The following EYA1 variants were observed in gnomAD, a reference collection of about 807,000 sequenced individuals.
EYA1 encodes the protein protein phosphatase EYA1.
A neutral mutation model predicts 82.0 loss-of-function variants in EYA1; 16 were observed. The observed-to-expected ratio is 0.20, with a 90% confidence interval of 0.13 to 0.30. The LOEUF (loss-of-function observed/expected upper bound fraction) is 0.30, where lower values mean the gene tolerates loss of function less well. EYA1 is among the 10% of genes least tolerant of loss of function. EYA1 has a pLI of 1.00. For missense variants in EYA1, 633 were observed against 730.7 expected (o/e 0.87, Z 1.54); for synonymous variants, 261 against 264.4 (o/e 0.99, Z 0.12).
intron 7 of EYA1, among the ~76,000 whole-genome samples, chr8:71,311,928 T>C (rs1353525618): frequency 3.9e-5 from 6 of 152,208 alleles, no homozygotes; most frequent in African/African-American, 1.4e-4. Flanking sequence ...GAAGCCTGCT[T>C]GGCAGGACAG....
chr8:71,420,565 C>G (rs1586682633), intron 2 of EYA1, among the ~76,000 whole-genome samples: 1 of 152,164 alleles, frequency 6.6e-6, no homozygotes, highest in South Asian at 2.1e-4. Context: ...TCATAAGCTG[C>G]TGTAGAGTCA....
intron 2 of EYA1, among the ~76,000 whole-genome samples, chr8:71,505,701 G>GC (rs892861385): frequency 6.6e-6 from 1 of 152,064 alleles, no homozygotes; most frequent in Non-Finnish European, 1.5e-5. Context: ...AGAAATATTG[G>GC]CCCCTTGAGT....
At chr8:71,248,309 G>A (rs1401756523) in intron 11 of EYA1, among the ~76,000 whole-genome samples, 2 of 152,178 alleles carry the variant, frequency 1.3e-5, no homozygotes, top group South Asian at 2.1e-4. Context: ...AATAGGAAGG[G>A]GGTTCTAGTT....
intron 3 of EYA1, among the ~76,000 whole-genome samples, chr8:71,352,888 C>T (rs1035944194): frequency 6.6e-6 from 1 of 152,132 alleles, no homozygotes; most frequent in African/African-American, 2.4e-5. Context: ...TAAACACACA[C>T]TCTGTTTCAG....
At chr8:71,505,047 G>A (rs951866369) in intron 2 of EYA1, among the ~76,000 whole-genome samples, 10 of 152,060 alleles carry the variant, frequency 6.6e-5, no homozygotes, top group African/African-American at 1.4e-4. Flanking sequence ...TGATCTGCCC[G>A]CCTTGGCCTC....
chr8:71,341,159 A>T (rs1266165136), intron 3 of EYA1, among the ~76,000 whole-genome samples: 1 of 152,220 alleles, frequency 6.6e-6, no homozygotes, highest in Non-Finnish European at 1.5e-5. Context: ...AATCAGTAAA[A>T]AGAAAGGTAA....
At chr8:71,372,568 T>A (rs946158886) in intron 2 of EYA1, among the ~76,000 whole-genome samples, 48 of 152,144 alleles carry the variant, frequency 3.2e-4, no homozygotes, top group African/African-American at 9.9e-4. Flanking sequence ...GAAAAGGAAA[T>A]TCTAGAATGA....
intron 7 of EYA1, among the ~76,000 whole-genome samples, chr8:71,311,934 G>T (rs1039264900): frequency 1.3e-4 from 20 of 152,148 alleles, no homozygotes. Flanking sequence ...TGCTTGGCAG[G>T]ACAGAAGTGT....
chr8:71,377,999 G>C (rs1047920554), intron 2 of EYA1, among the ~76,000 whole-genome samples: 1 of 151,850 alleles, frequency 6.6e-6, no homozygotes, highest in East Asian at 1.9e-4. Context: ...TTGACCTACT[G>C]ACTCAGCTTC....
At chr8:71,396,602 T>C (rs1829632736) in intron 2 of EYA1, among the ~76,000 whole-genome samples, 2 of 152,216 alleles carry the variant, frequency 1.3e-5, no homozygotes, top group African/African-American at 4.8e-5. Context: ...AGAGTGGTTT[T>C]GAGTGAGTTT....
rs778872780 is a variant in EYA1 at position 71,317,639 on chromosome 8, A to T, written c.469T>A (p.Ser157Thr). Residue 157 changes from serine to threonine, a missense_variant, in exon 7 of 18, where the codon TCA becomes ACA. Transcript: ENST00000340726. ...CTGAGAAATCCTGTCTGTCCAGGTG[A>T]CTGAGACTGTGACAATCCACCTTCA... ...KTEGGLSQSQ[S>T]PGQTGFLSYG... is the part of the protein sequence containing the mutation. The T allele has an allele frequency of 1.2e-6, 2 of 1,614,130 alleles. No individual in the cohort carries two copies. The highest frequency in any genetic ancestry group is 2.2e-5 in the South Asian group (2 of 91,084).
intron 2 of EYA1, among the ~76,000 whole-genome samples, chr8:71,507,863 CATTCTCAAAGGA>C (rs1478595417): frequency 2.0e-5 from 3 of 152,290 alleles, no homozygotes; most frequent in African/African-American, 7.2e-5. Flanking sequence ...AACCCAGGTC[CATTCTCAAAGGA>C]AAATCCTTGG....
chr8:71,350,077 C>G (rs2129062989), intron 3 of EYA1, among the ~76,000 whole-genome samples: 1 of 152,220 alleles, frequency 6.6e-6, no homozygotes, highest in Admixed American at 6.5e-5. Flanking sequence ...TTAGAAACTC[C>G]TTTATTCACA....
chr8:71,448,025 T>G (rs200408698), intron 2 of EYA1, among the ~76,000 whole-genome samples: 3 of 116,736 alleles, frequency 2.6e-5, no homozygotes, highest in South Asian at 2.8e-4. Flanking sequence ...TTTTTTTTTT[T>G]TCTCGCTCCG....
chr8:71,401,649 C>T (rs1019486845), intron 2 of EYA1, among the ~76,000 whole-genome samples: 1 of 152,130 alleles, frequency 6.6e-6, no homozygotes, highest in South Asian at 2.1e-4. Context: ...TCTCCATTGC[C>T]TCAGTTTCTT....
chr8:71,283,553 G>A (rs1167083931), intron 9 of EYA1, among the ~76,000 whole-genome samples: 1 of 151,766 alleles, frequency 6.6e-6, no homozygotes, highest in Non-Finnish European at 1.5e-5. Flanking sequence ...CCACAACCTG[G>A]CATGTGGAGC....
chr8:71,355,778 C>T (rs1822917), intron 2 of EYA1, among the ~76,000 whole-genome samples: 120,051 of 152,146 alleles, frequency 0.79, 47,451 homozygotes, highest in Middle Eastern at 0.86. Flanking sequence ...TTACTTATTC[C>T]ATAAAAGGTA....
At chr8:71,455,526 C>A (rs189482544) in intron 2 of EYA1, among the ~76,000 whole-genome samples, 1 of 152,088 alleles carries the variant, frequency 6.6e-6, no homozygotes, top group Non-Finnish European at 1.5e-5. Flanking sequence ...ACTGGGGAAC[C>A]GAATCCAGCA....
exon 2 of EYA1, chr8:71,535,804 G>A (rs930693853): frequency 8.8e-6 from 13 of 1,476,224 alleles, no homozygotes; most frequent in African/African-American, 4.2e-5. Context: ...TTATGTATGG[G>A]CTATTAGCTA....
Sources: allele counts gnomAD v4.1 joint callset (sites outside exome capture counted in the v4.1 genomes callset), GRCh38; gene constraint gnomAD v4.1.1; transcripts MANE v1.5; gene names NCBI Gene and HGNC (gene_info 2026-07-23, HGNC 2026-07-21).